DHRSX: variants seen among roughly 807,000 people sequenced by gnomAD.
The protein encoded by DHRSX is dehydrogenase/reductase X-linked, also known as polyprenol dehydrogenase.
DHRSX carries 31 observed loss-of-function variants against 34.0 expected under a neutral mutation model. That is an observed-to-expected ratio of 0.91 (90% CI 0.69 to 1.23). DHRSX has a LOEUF of 1.23. Ranked by LOEUF, DHRSX falls within the 50% of genes most tolerant of loss-of-function variation. The pLI is 0.00. For missense variants in DHRSX, 414 were observed against 428.1 expected (o/e 0.97, Z 0.29); for synonymous variants, 201 against 183.8 (o/e 1.09, Z -0.76).
chrX:2,428,963 C>T (rs1019277244), intron 1 of DHRSX, among the ~76,000 whole-genome samples: 1 of 152,078 alleles, frequency 6.6e-6, no homozygotes, highest in Non-Finnish European at 1.5e-5. Flanking sequence ...CCGTACATTT[C>T]GTTGTCAGTA....
rs199776143 is a variant in DHRSX at position 2,489,232 on chromosome X, G to A, written c.109+11585C>T. On this transcript the variant is annotated intron_variant, in intron 1 of 6. Transcript: ENST00000334651. ...GCAGGCCCTTGGCCTCTTCCACCAC[G>A]CGATTCTCCACCTGCTGCCGCTCGA... The A allele has an allele frequency of 3.6e-5, 58 of 1,613,858 alleles. 1 individual carries two copies. In the East Asian group the frequency reaches 7.6e-4, roughly 21 times the overall value.
chrX:2,488,477 C>T, intron 1 of DHRSX: 1 of 1,030,086 alleles, frequency 9.7e-7, no homozygotes, highest in Non-Finnish European at 1.4e-6. Context: ...CCCCGACCCT[C>T]TCTCACTTCT....
At chrX:2,486,835 T>TGG (rs1434365072) in intron 1 of DHRSX, 9 of 152,324 alleles carry the variant, frequency 5.9e-5, no homozygotes, top group Non-Finnish European at 7.4e-5. Context: ...TCCACAGACT[T>TGG]AAACCGGCTC....
chrX:2,499,367 G>GT (rs1181014200), intron 1 of DHRSX, among the ~76,000 whole-genome samples: 2 of 151,112 alleles, frequency 1.3e-5, no homozygotes, highest in African/African-American at 4.9e-5. Flanking sequence ...TGAACGCTCT[G>GT]TTTTGGAAAA....
At chrX:2,238,180 C>T (rs1403623132) in intron 6 of DHRSX, among the ~76,000 whole-genome samples, 3 of 152,064 alleles carry the variant, frequency 2.0e-5, no homozygotes, top group Non-Finnish European at 2.9e-5. Flanking sequence ...ATAGCAAGAC[C>T]TCGGCTCTAC....
chrX:2,360,858 G>C lies in DHRSX; in HGVS notation c.286+47887C>G, dbSNP rs150557118. ...TTCTGCCCCCTCTCTGCCAACGTTAGATATGTCACGGTTGAATGACTAAAC... is the reference window on the plus strand; with the variant it reads ...TTCTGCCCCCTCTCTGCCAACGTTACATATGTCACGGTTGAATGACTAAAC... On this transcript the variant is annotated intron_variant, in intron 3 of 6. Transcript: ENST00000334651. Among the ~76,000 whole-genome samples the C allele has an allele frequency of 2.9e-3, 444 of 152,154 alleles. 1 individual carries two copies. The highest frequency in any genetic ancestry group is 0.01 in the African/African-American group (418 of 41,526).
At chrX:2,249,633 C>T (rs1308712539) in intron 5 of DHRSX, among the ~76,000 whole-genome samples, 2 of 144,552 alleles carry the variant, frequency 1.4e-5, no homozygotes, top group Non-Finnish European at 3.0e-5. Flanking sequence ...AAGTGATTCT[C>T]CTGCCTCAGC....
chrX:2,446,615 C>T (rs1232003777), intron 1 of DHRSX, among the ~76,000 whole-genome samples: 1 of 151,956 alleles, frequency 6.6e-6, no homozygotes, highest in African/African-American at 2.4e-5. Context: ...TGAAGACATT[C>T]CCTAAGCATG....
chrX:2,412,236 G>A (rs1467261608), intron 2 of DHRSX, among the ~76,000 whole-genome samples: 1 of 152,046 alleles, frequency 6.6e-6, no homozygotes, highest in Non-Finnish European at 1.5e-5. Flanking sequence ...TATGTGCAAT[G>A]GAAATTGGTA....
chrX:2,220,720 T>C lies in DHRSX; in HGVS notation c.*321A>G. 2 of 330,908 alleles carry C rather than the reference T, an allele frequency of 6.0e-6. No individual in the cohort carries two copies. Among genetic ancestry groups the C allele is most frequent in the Non-Finnish European group, 5.5e-6 (1 of 182,060 alleles). 20.5% of individuals were successfully genotyped at this position (330,908 alleles called of 1,614,324 possible). ...AAAGAGAGCATCTCTCTTGGAACTT[T>C]TGTACTCAGTTGTATTAACGCGGCA... On this transcript the variant is annotated 3_prime_UTR_variant, in exon 7 of 7. Transcript: ENST00000334651.
At chrX:2,431,448 T>G (rs1325859585) in intron 1 of DHRSX, among the ~76,000 whole-genome samples, 1 of 152,078 alleles carries the variant, frequency 6.6e-6, no homozygotes, top group African/African-American at 2.4e-5. Context: ...ACACAGTACG[T>G]GTGTCTTTTT....
chrX:2,365,101 A>G (rs769444099), intron 3 of DHRSX, among the ~76,000 whole-genome samples: 1 of 152,340 alleles, frequency 6.6e-6, no homozygotes, highest in East Asian at 1.9e-4. Context: ...GACAAATGAG[A>G]TCTCATTAAA....
chrX:2,254,009 T>C (rs2016503159), intron 5 of DHRSX, among the ~76,000 whole-genome samples: 1 of 151,368 alleles, frequency 6.6e-6, no homozygotes. Context: ...TGCAGTGAGC[T>C]GAGATCACAC....
At chrX:2,464,280 C>T (rs2044449290) in intron 1 of DHRSX, among the ~76,000 whole-genome samples, 1 of 137,808 alleles carries the variant, frequency 7.3e-6, no homozygotes, top group African/African-American at 2.9e-5. Context: ...GAAGACGATC[C>T]CTAAGCTTGG....
intron 4 of DHRSX, among the ~76,000 whole-genome samples, chrX:2,271,714 G>A (rs1482754463): frequency 2.0e-5 from 3 of 152,080 alleles, no homozygotes; most frequent in African/African-American, 7.2e-5. Flanking sequence ...AAACACTTCT[G>A]AGAAGTATGT....
chrX:2,377,743 T>C lies in DHRSX; in HGVS notation c.286+31002A>G, dbSNP rs906560173. 3.3e-5 allele frequency among the ~76,000 whole-genome samples: 4 copies of C among 119,716 alleles called. No homozygotes were observed. In the South Asian group the frequency reaches 9.0e-4, roughly 27 times the overall value. The allele number at this position is 119,716 out of a possible 152,430, so 78.5% of individuals were successfully genotyped here. On this transcript the variant is annotated intron_variant, in intron 3 of 6. Coordinates refer to ENST00000334651, the MANE Select transcript of DHRSX (RefSeq NM_145177.3). ...CATAATTGCAGTGTGCACACAATAC[T>C]TTTTTTTTTTTTTTGAGACAGAGTC...
chrX:2,320,231 C>T (rs375643218), intron 3 of DHRSX, among the ~76,000 whole-genome samples: 5 of 151,074 alleles, frequency 3.3e-5, no homozygotes, highest in South Asian at 4.2e-4. Context: ...TTACATATTG[C>T]GCTGTTGTGG....
chrX:2,397,786 G>A (rs2043430664), intron 3 of DHRSX, among the ~76,000 whole-genome samples: 1 of 152,172 alleles, frequency 6.6e-6, no homozygotes, highest in Non-Finnish European at 1.5e-5. Context: ...GGAAAAATGT[G>A]AAGTAGCGCA....
intron 6 of DHRSX, among the ~76,000 whole-genome samples, chrX:2,236,375 T>A (rs1388921141): frequency 6.6e-6 from 1 of 152,148 alleles, no homozygotes; most frequent in African/African-American, 2.4e-5. Context: ...GGCTGAGGCC[T>A]GCACATTGCA....
Sources: allele counts gnomAD v4.1 joint callset (sites outside exome capture counted in the v4.1 genomes callset), GRCh38; gene constraint gnomAD v4.1.1; transcripts MANE v1.5; gene names NCBI Gene and HGNC (gene_info 2026-07-23, HGNC 2026-07-21).